MAGI2: variants seen among roughly 807,000 people sequenced by gnomAD.
MAGI2 encodes membrane-associated guanylate kinase, WW and PDZ domain-containing protein 2.
A neutral mutation model predicts 133.3 loss-of-function variants in MAGI2; 35 were observed. That is an observed-to-expected ratio of 0.26 (90% CI 0.20 to 0.35). The LOEUF (loss-of-function observed/expected upper bound fraction) is 0.35. Among genes scored for constraint, MAGI2 ranks in the 10% least tolerant of loss-of-function variants. MAGI2 has a pLI of 1.00. For missense variants in MAGI2, 1,636 were observed against 1,863.4 expected, an observed-to-expected ratio of 0.88 and a Z score of 2.25; for synonymous variants, 729 against 710.6, an observed-to-expected ratio of 1.03 and a Z score of -0.41.
intron 2 of MAGI2, among the ~76,000 whole-genome samples, chr7:78,688,164 G>A (rs1816576855): frequency 6.6e-6 from 1 of 151,934 alleles, no homozygotes; most frequent in Admixed American, 6.6e-5. Context: ...TTTGTGTCTA[G>A]CCTCATTTTA....
intron 9 of MAGI2, among the ~76,000 whole-genome samples, chr7:78,304,049 C>T (rs1007203341): frequency 6.6e-6 from 1 of 152,166 alleles, no homozygotes; most frequent in South Asian, 2.1e-4. Context: ...TTCTTACTTT[C>T]CTCCCTGAAA....
intron 1 of MAGI2, among the ~76,000 whole-genome samples, chr7:79,283,735 A>C (rs1835809908): frequency 6.6e-6 from 1 of 152,074 alleles, no homozygotes; most frequent in Admixed American, 6.6e-5. Context: ...TGCACTTCTT[A>C]TTATCTATTA....
intron 1 of MAGI2, among the ~76,000 whole-genome samples, chr7:79,340,464 G>C (rs1294260127): frequency 2.6e-5 from 4 of 152,056 alleles, no homozygotes; most frequent in African/African-American, 9.7e-5. Context: ...CTTCATAGTA[G>C]TAAAAGCTTT....
chr7:78,555,800 G>T (rs1799772894), intron 3 of MAGI2, among the ~76,000 whole-genome samples: 1 of 152,148 alleles, frequency 6.6e-6, no homozygotes, highest in Non-Finnish European at 1.5e-5. Context: ...AAAGTACTCA[G>T]CCCAAAGATG....
At chr7:78,177,961 T>C (rs750026222) in intron 14 of MAGI2, 50 bp downstream of exon 14, 1 of 1,267,060 alleles carries the variant, frequency 7.9e-7, no homozygotes, top group South Asian at 1.2e-5. Context: ...CCCTGGTGTT[T>C]ACTCATACAA....
intron 2 of MAGI2, among the ~76,000 whole-genome samples, chr7:78,899,329 G>A (rs1175692284): frequency 6.6e-6 from 1 of 152,084 alleles, no homozygotes; most frequent in African/African-American, 2.4e-5. Flanking sequence ...TACTTAAATC[G>A]TTAATGTTAT....
chr7:78,644,131 A>G (rs946624804), intron 2 of MAGI2, among the ~76,000 whole-genome samples: 1 of 152,146 alleles, frequency 6.6e-6, no homozygotes, highest in African/African-American at 2.4e-5. Flanking sequence ...ACAGGAAAAA[A>G]AATACTAAAT....
chr7:79,259,446 A>G (rs189713268), intron 1 of MAGI2, among the ~76,000 whole-genome samples: 40 of 152,310 alleles, frequency 2.6e-4, no homozygotes, highest in African/African-American at 8.4e-4. Context: ...GATATGCTAC[A>G]TTGAGGAGGC....
intron 2 of MAGI2, among the ~76,000 whole-genome samples, chr7:78,629,448 G>A (rs1211602281): frequency 1.3e-5 from 2 of 151,990 alleles, no homozygotes; most frequent in East Asian, 3.9e-4. Flanking sequence ...CTGATCTCTT[G>A]TAATTTCCCT....
At chr7:78,822,546 C>T (rs1006600068) in intron 2 of MAGI2, among the ~76,000 whole-genome samples, 2 of 152,062 alleles carry the variant, frequency 1.3e-5, no homozygotes, top group Non-Finnish European at 2.9e-5. Flanking sequence ...CTTTTCTTCT[C>T]TATCTTCAAT....
intron 1 of MAGI2, among the ~76,000 whole-genome samples, chr7:79,369,853 C>T (rs1247809724): frequency 6.6e-6 from 1 of 152,084 alleles, no homozygotes; most frequent in Non-Finnish European, 1.5e-5. Context: ...GAAAAAACAT[C>T]ATAGATAAAT....
chr7:78,668,690 A>C (rs553207225), intron 2 of MAGI2, among the ~76,000 whole-genome samples: 1 of 152,198 alleles, frequency 6.6e-6, no homozygotes, highest in Non-Finnish European at 1.5e-5. Context: ...GTTTGTCAAA[A>C]TGTAAAAGTA....
intron 3 of MAGI2, chr7:78,568,080 T>C (rs1430191159): frequency 6.6e-6 from 1 of 152,250 alleles, no homozygotes; most frequent in Admixed American, 6.5e-5. Context: ...ACGCACACAC[T>C]CCTTGTCTTC....
intron 12 of MAGI2, among the ~76,000 whole-genome samples, chr7:78,192,228 T>C (rs11761109): frequency 0.11 from 17,147 of 151,146 alleles, 1,300 homozygotes; most frequent in Non-Finnish European, 0.17. Flanking sequence ...CACTGATTTT[T>C]CCCCCCCCAG....
intron 1 of MAGI2, among the ~76,000 whole-genome samples, chr7:79,433,859 T>C (rs192978907): frequency 6.6e-6 from 1 of 152,152 alleles, no homozygotes; most frequent in East Asian, 1.9e-4. Context: ...ATATCAAGTA[T>C]AACAAAACGG....
intron 1 of MAGI2, among the ~76,000 whole-genome samples, chr7:79,114,812 G>A (rs1002235153): frequency 6.6e-6 from 1 of 152,098 alleles, no homozygotes; most frequent in African/African-American, 2.4e-5. Flanking sequence ...GTGGCAAAGT[G>A]GAGTCTGAAG....
rs143884767 is a variant in MAGI2, at chr7:78,943,042, G to C, written c.418+64048C>G. The stretch of plus-strand genomic sequence containing the variant: ...AGTCCTAATTTGCCAAGAAATAGTT[G>C]AATAAGCATGGGCATGCTATTTTAC... On this transcript the variant is annotated intron_variant, in intron 2 of 21. Transcript: ENST00000354212. 4.6e-3 allele frequency among the ~76,000 whole-genome samples: 699 copies of C among 152,104 alleles called. 3 individuals carry two copies. The highest frequency in any genetic ancestry group is 0.016 in the African/African-American group (657 of 41,526).
At chr7:78,311,878 C>A (rs183464690) in intron 9 of MAGI2, among the ~76,000 whole-genome samples, 283 of 151,684 alleles carry the variant, frequency 1.9e-3, no homozygotes, top group African/African-American at 6.7e-3. Context: ...TGAAGTGATT[C>A]TCCTGACTCA....
At chr7:79,291,907 T>A (rs1022116010) in intron 1 of MAGI2, among the ~76,000 whole-genome samples, 3 of 152,204 alleles carry the variant, frequency 2.0e-5, no homozygotes, top group Non-Finnish European at 1.5e-5. Context: ...GCAATTTTTT[T>A]TAATTTGATG....
Sources: gnomAD v4.1 joint callset for allele counts (sites outside exome capture counted in the v4.1 genomes callset) on GRCh38, gnomAD v4.1.1 for gene constraint, MANE v1.5 for transcripts, NCBI Gene and HGNC (gene_info 2026-07-23, HGNC 2026-07-21) for gene names.